The following NRG3 variants were observed in gnomAD, a reference collection of about 807,000 sequenced individuals.
The protein encoded by NRG3 is pro-neuregulin-3, membrane-bound isoform.
Under a neutral mutation model 66.9 loss-of-function variants are expected in NRG3, and 31 were observed. The observed-to-expected ratio is 0.46, with a 90% CI of 0.35 to 0.63. NRG3 has a LOEUF of 0.63. Ranked by LOEUF, NRG3 falls within the 20% of genes least tolerant of loss-of-function variation. The pLI is 0.00. For synonymous variants in NRG3, 393 were observed against 359.4 expected (o/e 1.09, Z -1.06); for missense variants, 910 against 878.9 (o/e 1.04, Z -0.45).
chr10:82,455,329 G>A (rs1435471128), intron 2 of NRG3, among the ~76,000 whole-genome samples: 2 of 152,160 alleles, frequency 1.3e-5, no homozygotes, highest in Non-Finnish European at 2.9e-5. Context: ...TGTATGGCCT[G>A]CTGTTCTTAG....
intron 4 of NRG3, among the ~76,000 whole-genome samples, chr10:82,867,028 A>G (rs903526119): frequency 2.0e-5 from 3 of 152,198 alleles, no homozygotes; most frequent in African/African-American, 7.2e-5. Flanking sequence ...ATGATAAACT[A>G]TACTGGAATT....
chr10:82,002,120 A>C (rs554781466), intron 1 of NRG3, among the ~76,000 whole-genome samples: 1 of 152,292 alleles, frequency 6.6e-6, no homozygotes, highest in East Asian at 1.9e-4. Flanking sequence ...AAACATCCCT[A>C]ATTGTATAAA....
At chr10:82,872,996 A>G (rs910110745) in intron 4 of NRG3, among the ~76,000 whole-genome samples, 3 of 152,156 alleles carry the variant, frequency 2.0e-5, no homozygotes, top group Non-Finnish European at 4.4e-5. Context: ...CAAGTAACCA[A>G]AAAGGTTTTT....
chr10:82,380,401 A>G (rs1589918354), intron 2 of NRG3, among the ~76,000 whole-genome samples: 1 of 152,296 alleles, frequency 6.6e-6, no homozygotes, highest in Middle Eastern at 3.4e-3. Flanking sequence ...CTGCCCAGAA[A>G]CATGCTAAGT....
intron 1 of NRG3, among the ~76,000 whole-genome samples, chr10:82,044,761 C>T (rs576945632): frequency 1.3e-5 from 2 of 152,154 alleles, no homozygotes; most frequent in South Asian, 4.2e-4. Flanking sequence ...GTTCCCCTTC[C>T]TGTGTCCATG....
At chr10:82,732,865 T>C (rs2057982247) in intron 2 of NRG3, among the ~76,000 whole-genome samples, 1 of 152,148 alleles carries the variant, frequency 6.6e-6, no homozygotes, top group Non-Finnish European at 1.5e-5. Flanking sequence ...GGACTGACAC[T>C]GAGGCTGAGG....
chr10:82,623,883 A>G (rs537800666), intron 2 of NRG3, among the ~76,000 whole-genome samples: 30 of 152,246 alleles, frequency 2.0e-4, no homozygotes, highest in Admixed American at 5.2e-4. Flanking sequence ...TTTACATACA[A>G]TTCTTCTTCC....
intron 3 of NRG3, among the ~76,000 whole-genome samples, chr10:82,765,930 C>T (rs1451263271): frequency 6.6e-6 from 1 of 152,146 alleles, no homozygotes; most frequent in East Asian, 1.9e-4. Flanking sequence ...TTGATTTCCA[C>T]TCAGAATTTG....
At chr10:82,756,172 G>A (rs2059070429) in intron 3 of NRG3, among the ~76,000 whole-genome samples, 1 of 152,014 alleles carries the variant, frequency 6.6e-6, no homozygotes, top group South Asian at 2.1e-4. Context: ...CCTGGTACCT[G>A]GGAACTCATT....
intron 1 of NRG3, among the ~76,000 whole-genome samples, chr10:82,261,025 G>T (rs2077998517): frequency 6.6e-6 from 1 of 152,136 alleles, no homozygotes; most frequent in Non-Finnish European, 1.5e-5. Context: ...GGTGATGAGT[G>T]AGTTCTCTCT....
At chr10:82,651,007 A>G (rs982856939) in intron 2 of NRG3, among the ~76,000 whole-genome samples, 2 of 152,226 alleles carry the variant, frequency 1.3e-5, no homozygotes, top group Admixed American at 6.5e-5. Flanking sequence ...TCAAGTTTGC[A>G]TACAAAAATC....
intron 1 of NRG3, among the ~76,000 whole-genome samples, chr10:82,303,036 C>T (rs1231670161): frequency 6.6e-6 from 1 of 152,152 alleles, no homozygotes; most frequent in Non-Finnish European, 1.5e-5. Flanking sequence ...CATTGTATTT[C>T]ACTTTTCTAG....
At chr10:82,371,385 G>A (rs2084883404) in intron 2 of NRG3, among the ~76,000 whole-genome samples, 1 of 152,030 alleles carries the variant, frequency 6.6e-6, no homozygotes, top group Non-Finnish European at 1.5e-5. Flanking sequence ...GGCACTTTTT[G>A]TTCTATTTTA....
intron 2 of NRG3, among the ~76,000 whole-genome samples, chr10:82,602,597 T>C (rs1490875261): frequency 5.9e-5 from 9 of 151,992 alleles, no homozygotes; most frequent in Admixed American, 3.3e-4. Flanking sequence ...CCAGGAAAAA[T>C]GAAAATATGA....
chr10:82,480,055 G>A lies in NRG3; in HGVS notation c.953+121187G>A, dbSNP rs1481121127. Among the ~76,000 whole-genome samples the A allele has an allele frequency of 3.3e-5, 5 of 152,166 alleles. No individual in the cohort carries two copies. In the East Asian group the frequency reaches 5.8e-4, roughly 18 times the overall value. ...CCTGCCCTAAGAAAGAATGCCTAAT[G>A]TTTTTGAGGTTCATCTGCTATGATA... On this transcript the variant is annotated intron_variant, in intron 2 of 8. Coordinates refer to ENST00000372141, the MANE Select transcript of NRG3 (RefSeq NM_001010848.4).
At chr10:82,436,694 TAGTG>T (rs2090158058) in intron 2 of NRG3, among the ~76,000 whole-genome samples, 1 of 152,212 alleles carries the variant, frequency 6.6e-6, no homozygotes, top group Admixed American at 6.5e-5. Context: ...TTTCTGTATT[TAGTG>T]CTTCTTTCAG....
intron 2 of NRG3, among the ~76,000 whole-genome samples, chr10:82,441,466 A>G (rs1590143224): frequency 6.6e-6 from 1 of 152,180 alleles, no homozygotes; most frequent in East Asian, 1.9e-4. Flanking sequence ...TGTTTCCATG[A>G]ATTTGATAGT....
chr10:81,881,395 G>T (rs1234880742), intron 1 of NRG3, among the ~76,000 whole-genome samples: 1 of 151,904 alleles, frequency 6.6e-6, no homozygotes, highest in East Asian at 1.9e-4. Context: ...AAACTGTCTT[G>T]GTGATTTAAA....
intron 1 of NRG3, among the ~76,000 whole-genome samples, chr10:82,146,279 A>G (rs954607705): frequency 6.6e-6 from 1 of 152,122 alleles, no homozygotes; most frequent in Non-Finnish European, 1.5e-5. Context: ...AGAATTGCAC[A>G]TTTCAATATT....
Sources: gnomAD v4.1 joint callset for allele counts (sites outside exome capture counted in the v4.1 genomes callset) on GRCh38, gnomAD v4.1.1 for gene constraint, MANE v1.5 for transcripts, NCBI Gene and HGNC (gene_info 2026-07-23, HGNC 2026-07-21) for gene names.